Variants in ZMYND8 observed in about 807,000 individuals in gnomAD.
ZMYND8 encodes zinc finger MYND-type containing 8.
ZMYND8 carries 37 observed loss-of-function variants against 140.8 expected under a neutral mutation model. The observed-to-expected ratio is 0.26, with a 90% CI of 0.20 to 0.35. The LOEUF is 0.35. Among genes scored for constraint, ZMYND8 ranks in the 10% least tolerant of loss-of-function variants. The probability of loss-of-function intolerance (pLI) is 1.00; values close to 1 mark genes in which losing one functional copy is unlikely to be tolerated. For synonymous variants in ZMYND8, 592 were observed against 597.1 expected (o/e 0.99, Z 0.12); for missense variants, 1,068 against 1,570.0 (o/e 0.68, Z 5.40).
intron 5 of ZMYND8, 90 bp downstream of exon 5, chr20:47,294,576 T>G: frequency 8.2e-7 from 1 of 1,220,590 alleles, no homozygotes; most frequent in South Asian, 1.3e-5. Flanking sequence ...AAAGAATACA[T>G]CAGGTACCTA....
chr20:47,243,840 G>A (rs554098010), intron 14 of ZMYND8, among the ~76,000 whole-genome samples: 59 of 152,200 alleles, frequency 3.9e-4, no homozygotes, highest in African/African-American at 1.4e-3. Flanking sequence ...ATATTCCTAC[G>A]ATCCTCATGA....
intron 1 of ZMYND8, chr20:47,354,198 C>T (rs1364361814): frequency 6.6e-6 from 1 of 152,178 alleles, no homozygotes; most frequent in Non-Finnish European, 1.5e-5. Flanking sequence ...GGGTTGGGAA[C>T]TTGCTGGGGG....
intron 22 of ZMYND8, among the ~76,000 whole-genome samples, chr20:47,212,375 G>A (rs577323706): frequency 2.6e-5 from 4 of 152,278 alleles, no homozygotes; most frequent in African/African-American, 9.6e-5. Context: ...GGAGGGAATC[G>A]GTGTTCATCT....
rs113460565 is a variant in ZMYND8 at position 47,306,573 on chromosome 20, CT to C, written c.234+3482del. 3.4e-3 allele frequency among the ~76,000 whole-genome samples: 467 copies of C among 136,456 alleles called. 1 individual carries two copies. Among genetic ancestry groups the C allele is most frequent in the South Asian group, 0.02 (85 of 4,234 alleles). 89.5% of individuals were successfully genotyped at this position (136,456 alleles called of 152,430 possible). A position where few individuals can be genotyped will look rare whatever the true frequency, so the allele number is the denominator to read the frequency against. The stretch of plus-strand genomic sequence containing the variant: ...AAATGGAAATATATGGATTATTTGC[CT>C]TTTTTTTTTTTTTTGAGACAGAGTC... On this transcript the variant is annotated intron_variant, in intron 3 of 22. Coordinates refer to ENST00000471951, the MANE Select transcript of ZMYND8 (RefSeq NM_001281775.3).
chr20:47,307,783 C>A (rs372909635), intron 3 of ZMYND8, among the ~76,000 whole-genome samples: 1 of 151,916 alleles, frequency 6.6e-6, no homozygotes, highest in Non-Finnish European at 1.5e-5. Context: ...GCCAAGATTG[C>A]GCCATTGCAC....
At chr20:47,233,763 A>G (rs958915816) in intron 16 of ZMYND8, among the ~76,000 whole-genome samples, 1 of 152,178 alleles carries the variant, frequency 6.6e-6, no homozygotes, top group Non-Finnish European at 1.5e-5. Context: ...CAGTACCTAC[A>G]CTTCATCAAT....
intron 2 of ZMYND8, among the ~76,000 whole-genome samples, chr20:47,329,241 G>A (rs147492739): frequency 6.6e-6 from 1 of 152,238 alleles, no homozygotes; most frequent in East Asian, 1.9e-4. Context: ...AATCTACTAA[G>A]GCTACGGAAC....
At chr20:47,263,785 A>T (rs1484280138) in intron 11 of ZMYND8, among the ~76,000 whole-genome samples, 1 of 152,228 alleles carries the variant, frequency 6.6e-6, no homozygotes, top group Non-Finnish European at 1.5e-5. Flanking sequence ...GCTACATCTC[A>T]TCAGGCTGCC....
At chr20:47,266,829 G>A (rs2075560121) in intron 11 of ZMYND8, among the ~76,000 whole-genome samples, 1 of 152,154 alleles carries the variant, frequency 6.6e-6, no homozygotes, top group South Asian at 2.1e-4. Context: ...GTGTGTGTGT[G>A]TGGTGTGTGG....
At chr20:47,294,582 A>G in intron 5 of ZMYND8, 84 bp downstream of exon 5, 1 of 1,279,338 alleles carries the variant, frequency 7.8e-7, no homozygotes, top group Non-Finnish European at 1.1e-6. Context: ...TACATCAGGT[A>G]CCTAAAAAGC....
At chr20:47,296,344 C>T (rs1033829053) in intron 4 of ZMYND8, among the ~76,000 whole-genome samples, 4 of 152,130 alleles carry the variant, frequency 2.6e-5, no homozygotes, top group African/African-American at 4.8e-5. Context: ...CTTTTTTGTA[C>T]AAGGACTGGT....
At chr20:47,341,224 T>C (rs1209854661) in intron 2 of ZMYND8, among the ~76,000 whole-genome samples, 1 of 152,192 alleles carries the variant, frequency 6.6e-6, no homozygotes. Context: ...CTATATATCC[T>C]TCCTTGTCTA....
intron 2 of ZMYND8, chr20:47,318,662 G>A: frequency 2.2e-6 from 1 of 449,762 alleles, no homozygotes; most frequent in East Asian, 7.0e-5. Flanking sequence ...TAGACCCACA[G>A]AAACTCGAGG....
Position 47,347,861 on chromosome 20 carries a change from G to A in ZMYND8, c.80C>T (p.Ser27Phe). ...VVEGMDISTR[S>F]KDPGSAERTA... is the part of the protein sequence containing the mutation. ...AATACAAGATTTTTACTCACCTTTG[G>A]AGCGAGTAGAGATATCCATGCCCTC... is the stretch of plus-strand genomic sequence containing the variant. The change falls in exon 2 of 23, where the codon TCC becomes TTC. Residue 27 changes from serine (S) to phenylalanine (F), a missense_variant. Physicochemically the swap from Ser to Phe is radical, Grantham distance 155. Transcript: ENST00000471951. 2 of 1,613,668 alleles carry A rather than the reference G, an allele frequency of 1.2e-6. No homozygotes were observed. Among genetic ancestry groups the A allele is most frequent in the Non-Finnish European group, 1.7e-6 (2 of 1,179,922 alleles).
chr20:47,349,880 A>T (rs1306700965), intron 1 of ZMYND8: 2 of 1,535,558 alleles, frequency 1.3e-6, no homozygotes, highest in Admixed American at 2.0e-5. Context: ...TTCTGCAGCG[A>T]TGAAAACATT....
intron 16 of ZMYND8, among the ~76,000 whole-genome samples, chr20:47,233,308 C>G (rs1372048878): frequency 1.3e-5 from 2 of 150,462 alleles, no homozygotes; most frequent in East Asian, 3.9e-4. Context: ...CTTCTGGGCT[C>G]AAGTAATCCT....
intron 17 of ZMYND8, 76 bp from the exon 18 acceptor site, chr20:47,227,357 G>T: frequency 2.1e-6 from 3 of 1,414,958 alleles, no homozygotes; most frequent in Non-Finnish European, 2.0e-6. Flanking sequence ...CTCAACCACG[G>T]CTGGCTGTGA....
intron 13 of ZMYND8, among the ~76,000 whole-genome samples, chr20:47,248,277 A>T (rs189256761): frequency 6.6e-6 from 1 of 152,246 alleles, no homozygotes; most frequent in Non-Finnish European, 1.5e-5. Context: ...AATTCTTATT[A>T]GCAATAAAAA....
chr20:47,349,786 G>T, intron 1 of ZMYND8: 1 of 1,520,946 alleles, frequency 6.6e-7, no homozygotes, highest in Non-Finnish European at 8.8e-7. Context: ...TAGAGAAAAC[G>T]CTAATCTGTG....
Sources: allele counts gnomAD v4.1 joint callset (sites outside exome capture counted in the v4.1 genomes callset), GRCh38; gene constraint gnomAD v4.1.1; transcripts MANE v1.5; gene names NCBI Gene and HGNC (gene_info 2026-07-23, HGNC 2026-07-21).